SYCP1: variants seen among roughly 807,000 people sequenced by gnomAD.
SYCP1 encodes the protein cancer/testis antigen 8.
A neutral mutation model predicts 153.1 loss-of-function variants in SYCP1; 64 were observed. The observed-to-expected ratio is 0.42, with a 90% CI of 0.34 to 0.51. The LOEUF (loss-of-function observed/expected upper bound fraction) is 0.51, where lower values mean the gene tolerates loss of function less well. SYCP1 is among the 20% of genes least tolerant of loss of function. The pLI, the probability that SYCP1 is intolerant of heterozygous loss-of-function variation, is 0.06. For synonymous variants in SYCP1, 384 were observed against 341.8 expected, an observed-to-expected ratio of 1.12 and a Z score of -1.36; for missense variants, 997 against 1,049.0, an observed-to-expected ratio of 0.95 and a Z score of 0.68.
intron 23 of SYCP1, among the ~76,000 whole-genome samples, chr1:114,931,914 A>C (rs576260189): frequency 5.3e-5 from 8 of 152,210 alleles, no homozygotes; most frequent in Non-Finnish European, 1.2e-4. Context: ...GACTAAATGT[A>C]CAGACTGTTA....
intron 20 of SYCP1, among the ~76,000 whole-genome samples, chr1:114,917,072 C>G (rs1374727459): frequency 1.3e-5 from 2 of 151,906 alleles, no homozygotes; most frequent in African/African-American, 4.8e-5. Context: ...CCTTGTTGTG[C>G]TATTAAATAC....
intron 9 of SYCP1, 35 bp downstream of exon 9, chr1:114,874,599 A>T (rs1214057616): frequency 7.1e-7 from 1 of 1,408,788 alleles, no homozygotes; most frequent in Non-Finnish European, 9.7e-7. Flanking sequence ...TTTTAAACAT[A>T]GGAATTTCTG....
At chr1:114,916,096 G>A (rs1180782905) in intron 20 of SYCP1, among the ~76,000 whole-genome samples, 2 of 152,138 alleles carry the variant, frequency 1.3e-5, no homozygotes, top group Non-Finnish European at 2.9e-5. Context: ...TTTAAAGAAT[G>A]TATTTGGTCA....
chr1:114,933,838 C>T (rs948758896), intron 23 of SYCP1, among the ~76,000 whole-genome samples: 20 of 151,912 alleles, frequency 1.3e-4, no homozygotes, highest in South Asian at 2.1e-4. Flanking sequence ...TGAAATGAAG[C>T]GAGAAGAGAA....
chr1:114,917,845 C>T (rs1668610011), intron 20 of SYCP1, among the ~76,000 whole-genome samples: 1 of 151,882 alleles, frequency 6.6e-6, no homozygotes. Flanking sequence ...AGACTTATTC[C>T]CATAGAGTTT....
intron 23 of SYCP1, among the ~76,000 whole-genome samples, chr1:114,929,625 G>A (rs1218183707): frequency 2.0e-5 from 3 of 151,924 alleles, no homozygotes; most frequent in East Asian, 1.9e-4. Flanking sequence ...ATCAGTAGGG[G>A]CATTTTATAA....
chr1:114,888,848 TC>T (rs1462345315), intron 15 of SYCP1, among the ~76,000 whole-genome samples: 43 of 150,894 alleles, frequency 2.8e-4, no homozygotes, highest in Non-Finnish European at 1.5e-5. Flanking sequence ...ATGCTATCCC[TC>T]CCCCAGCCCC....
At chr1:114,934,763 C>T (rs886815833) in intron 23 of SYCP1, among the ~76,000 whole-genome samples, 1 of 152,114 alleles carries the variant, frequency 6.6e-6, no homozygotes, top group Non-Finnish European at 1.5e-5. Context: ...CCATCCCAGT[C>T]TCTGATAAAA....
chr1:114,990,828 A>T (rs1026222937), intron 30 of SYCP1, among the ~76,000 whole-genome samples: 3 of 152,102 alleles, frequency 2.0e-5, no homozygotes, highest in Admixed American at 1.3e-4. Flanking sequence ...TCAACAAAGA[A>T]AAGTTCTGGA....
intron 27 of SYCP1, among the ~76,000 whole-genome samples, chr1:114,965,082 C>G (rs886470146): frequency 6.6e-6 from 1 of 152,038 alleles, no homozygotes; most frequent in Non-Finnish European, 1.5e-5. Flanking sequence ...CCTTCACATC[C>G]CTTGTAAGTT....
intron 8 of SYCP1, among the ~76,000 whole-genome samples, chr1:114,863,960 C>T (rs1282136437): frequency 6.8e-6 from 1 of 148,016 alleles, no homozygotes; most frequent in Non-Finnish European, 1.5e-5. Flanking sequence ...CATCACACAC[C>T]CGGGCCTGTT....
At chr1:114,935,920 A>C (rs558452006) in intron 23 of SYCP1, among the ~76,000 whole-genome samples, 3 of 152,302 alleles carry the variant, frequency 2.0e-5, no homozygotes, top group African/African-American at 7.2e-5. Flanking sequence ...GTAGCCTACC[A>C]ACCAAAATAA....
intron 16 of SYCP1, among the ~76,000 whole-genome samples, chr1:114,902,857 C>T (rs360652): frequency 0.49 from 74,068 of 151,830 alleles, 19,322 homozygotes; most frequent in Non-Finnish European, 0.59. Flanking sequence ...ATAAATAAGA[C>T]AATTCACTTA....
At chr1:114,873,678 T>G (rs1368416523) in intron 8 of SYCP1, among the ~76,000 whole-genome samples, 6 of 152,196 alleles carry the variant, frequency 3.9e-5, no homozygotes, top group Non-Finnish European at 8.8e-5. Context: ...ATGTTCATTG[T>G]GAGAAACCTG....
intron 25 of SYCP1, among the ~76,000 whole-genome samples, chr1:114,945,620 T>C (rs919990290): frequency 1.3e-5 from 2 of 152,096 alleles, no homozygotes; most frequent in African/African-American, 4.8e-5. Flanking sequence ...TATGTTTCAA[T>C]CCAGTGCAGC....
At position 114,947,181 on chromosome 1, in the gene SYCP1, T is replaced by G. The variant is rs909083411; in HGVS notation, c.2248-65T>G. 10 of 1,197,766 alleles carry G rather than the reference T, an allele frequency of 8.3e-6. No homozygotes were observed. The African/African-American group carries it at 1.4e-4, about 16-fold the overall frequency. The allele number at this position is 1,197,766 out of a possible 1,614,324, so 74.2% of individuals were successfully genotyped here. ...ATTAAATTTACTCAGAGCACTAGTT[T>G]ATATTTTCATTGTCTTGAGAAATAC... On this transcript the variant is annotated intron_variant, in intron 26 of 31. Transcript: ENST00000369522.
In SYCP1 at chr1:114,856,669, G is replaced by C. The variant is rs776017902; in HGVS notation, c.193+12G>C. ...AAACATTGATTCAGGTAGGAGCATG[G>C]AAAAGCAGTGTATCAGCTTATATAG... On this transcript the variant is annotated intron_variant, in intron 3 of 31. Transcript: ENST00000369522. The C allele has an allele frequency of 1.3e-6, 2 of 1,591,994 alleles. No individual in the cohort carries two copies. The highest frequency in any genetic ancestry group is 1.1e-5 in the South Asian group (1 of 88,774).
intron 23 of SYCP1, among the ~76,000 whole-genome samples, chr1:114,930,737 T>C (rs1400337505): frequency 6.6e-6 from 1 of 151,894 alleles, no homozygotes; most frequent in African/African-American, 2.4e-5. Flanking sequence ...AATTCTCAAG[T>C]AGGTTTTTGA....
intron 7 of SYCP1, 96 bp downstream of exon 7, chr1:114,859,906 C>T (rs548664907): frequency 1.4e-4 from 52 of 371,172 alleles, no homozygotes; most frequent in East Asian, 1.0e-3. Flanking sequence ...ACTTTCTATA[C>T]GTTATATCAT....
Sources: gnomAD v4.1 joint callset for allele counts (sites outside exome capture counted in the v4.1 genomes callset) on GRCh38, gnomAD v4.1.1 for gene constraint, MANE v1.5 for transcripts, NCBI Gene and HGNC (gene_info 2026-07-23, HGNC 2026-07-21) for gene names.